Variants in MPP7 observed in about 807,000 individuals in gnomAD.
MPP7 encodes MAGUK p55 subfamily member 7.
MPP7 carries 60 observed loss-of-function variants against 76.5 expected under a neutral mutation model. That is an observed-to-expected ratio of 0.78 (90% CI 0.64 to 0.97). MPP7 has a LOEUF of 0.97. Among genes scored for constraint, MPP7 ranks in the 50% least tolerant of loss-of-function variants. The pLI is 0.00. For missense variants in MPP7, 641 were observed against 694.0 expected, an observed-to-expected ratio of 0.92 and a Z score of 0.86; for synonymous variants, 237 against 244.5, an observed-to-expected ratio of 0.97 and a Z score of 0.29.
At chr10:28,188,446 G>A (rs73608061) in intron 3 of MPP7, among the ~76,000 whole-genome samples, 2,242 of 152,144 alleles carry the variant, frequency 0.015, 41 homozygotes, top group African/African-American at 0.049. Flanking sequence ...CTTCCAAGTC[G>A]CATGATATGT....
rs71489612 is a variant in MPP7, at chr10:28,143,900, T to A, written c.315+3583A>T. Among the ~76,000 whole-genome samples, 242 of 110,032 alleles carry A rather than the reference T, an allele frequency of 2.2e-3. 3 individuals carry two copies. Among genetic ancestry groups the A allele is most frequent in the African/African-American group, 5.5e-3 (150 of 27,416 alleles). The allele number at this position is 110,032 out of a possible 152,430, so 72.2% of individuals were successfully genotyped here. A position where few individuals can be genotyped will look rare whatever the true frequency, so the allele number is the denominator to read the frequency against. ...GTGTGTGTGTGTGTGTGTGTGTGTG[T>A]GTGAGACTGAGTTTCACTCTTTCAC... On this transcript the variant is annotated intron_variant, in intron 5 of 16. Transcript: ENST00000683449.
chr10:28,272,705 A>T (rs1029715948), intron 1 of MPP7, among the ~76,000 whole-genome samples: 6 of 152,130 alleles, frequency 3.9e-5, no homozygotes, highest in South Asian at 2.1e-4. Context: ...GTTGATTTTT[A>T]AAAAAATGTA....
intron 5 of MPP7, among the ~76,000 whole-genome samples, chr10:28,133,932 T>C (rs1047661472): frequency 3.4e-4 from 52 of 152,306 alleles, no homozygotes; most frequent in African/African-American, 1.1e-3. Context: ...CATATAAATA[T>C]GTTGCAATTT....
intron 6 of MPP7, among the ~76,000 whole-genome samples, chr10:28,127,986 G>A (rs949612882): frequency 2.0e-5 from 3 of 152,184 alleles, no homozygotes; most frequent in African/African-American, 4.8e-5. Flanking sequence ...GCTCAAGAGC[G>A]AGCAAGGCAG....
intron 5 of MPP7, among the ~76,000 whole-genome samples, chr10:28,146,991 A>G (rs562841132): frequency 3.9e-5 from 6 of 152,180 alleles, no homozygotes; most frequent in Non-Finnish European, 8.8e-5. Flanking sequence ...TTTTATGGGT[A>G]TTTTACACTG....
chr10:28,212,369 A>C (rs1192884066), intron 2 of MPP7, among the ~76,000 whole-genome samples: 2 of 152,204 alleles, frequency 1.3e-5, no homozygotes, highest in African/African-American at 4.8e-5. Flanking sequence ...CATGGGGGAA[A>C]AAAAATCAAA....
intron 11 of MPP7, among the ~76,000 whole-genome samples, chr10:28,102,725 T>A (rs1353062185): frequency 2.0e-5 from 3 of 152,090 alleles, no homozygotes; most frequent in African/African-American, 4.8e-5. Flanking sequence ...TGTAGGGAAA[T>A]CTCCTCAGTT....
chr10:28,087,827 G>A (rs1348361735), intron 12 of MPP7, among the ~76,000 whole-genome samples: 1 of 152,170 alleles, frequency 6.6e-6, no homozygotes, highest in Non-Finnish European at 1.5e-5. Context: ...GAGAGGAGCA[G>A]GAGGTCTCAG....
intron 2 of MPP7, among the ~76,000 whole-genome samples, chr10:28,230,748 G>A (rs1210593330): frequency 3.9e-5 from 6 of 152,064 alleles, no homozygotes; most frequent in African/African-American, 1.4e-4. Flanking sequence ...CCCGGGAGGC[G>A]GAGGTTGCAG....
chr10:28,325,820 T>C (rs749193370), intron 2 of MPP7, among the ~76,000 whole-genome samples: 15 of 151,846 alleles, frequency 9.9e-5, no homozygotes, highest in Non-Finnish European at 1.6e-4. Context: ...ACAAAAAATT[T>C]AAAAATTGGC....
In MPP7 at chr10:28,120,652, G is replaced by T; in HGVS notation, c.632C>A (p.Ala211Glu). 1 of 1,613,474 alleles carries T rather than the reference G, an allele frequency of 6.2e-7. No homozygotes were observed. The highest frequency in any genetic ancestry group is 8.5e-7 in the Non-Finnish European group (1 of 1,179,620). ...GCCGGGTATAATCTTAAATGTAATT[G>T]CTCCCTGAGACTGAGCCTGGTAACA... ...IIQILAQSQG[A>E]ITFKIIPGSK... Residue 211 changes from alanine (A) to glutamate (E), a missense_variant, in exon 9 of 17, where the codon GCA becomes GAA. Coordinates refer to ENST00000683449, the MANE Select transcript of MPP7 (RefSeq NM_001318170.2).
intron 1 of MPP7, among the ~76,000 whole-genome samples, chr10:28,277,935 C>A (rs991742708): frequency 5.3e-5 from 8 of 152,116 alleles, no homozygotes; most frequent in African/African-American, 1.9e-4. Context: ...AAAAAGTGGA[C>A]GTATTTTTCC....
intron 3 of MPP7, among the ~76,000 whole-genome samples, chr10:28,184,906 AAATT>A (rs1174336928): frequency 4.7e-4 from 69 of 147,220 alleles, no homozygotes; most frequent in African/African-American, 1.5e-3. Context: ...AAGTTCTTTC[AAATT>A]ATTATAAGTT....
At chr10:28,058,092 A>T (rs1388170879) in intron 15 of MPP7, among the ~76,000 whole-genome samples, 1 of 152,212 alleles carries the variant, frequency 6.6e-6, no homozygotes, top group Non-Finnish European at 1.5e-5. Flanking sequence ...AAAGTCAAAG[A>T]CTTGGAACCA....
At position 28,262,228 on chromosome 10, in the gene MPP7, T is replaced by TATATATATATATAC. The variant is rs1564741407; in HGVS notation, c.-131-23494_-131-23493insGTATATATATATAT. Among the ~76,000 whole-genome samples, 58 of 31,276 alleles carry TATATATATATATAC rather than the reference T, an allele frequency of 1.9e-3. 2 individuals carry two copies. In the East Asian group the frequency reaches 0.027, roughly 14 times the overall value. The allele number at this position is 31,276 out of a possible 152,430, so 20.5% of individuals were successfully genotyped here. On this transcript the variant is annotated intron_variant, in intron 1 of 16. Transcript: ENST00000683449. ...ATATACATATATATATATATATACA[T>TATATATATATATAC]ATATATATATATATACATATATATA...
intron 3 of MPP7, among the ~76,000 whole-genome samples, chr10:28,176,684 C>A (rs1836870757): frequency 6.6e-6 from 1 of 151,992 alleles, no homozygotes; most frequent in African/African-American, 2.4e-5. Flanking sequence ...TTGCAGTGAG[C>A]TGAGATTGTG....
At chr10:28,119,609 C>T (rs10047289) in intron 11 of MPP7, 42 bp downstream of exon 11, 267,180 of 1,529,764 alleles carry the variant, frequency 0.17, 36,313 homozygotes, top group East Asian at 0.73. Flanking sequence ...CAAAAATAAA[C>T]ATCAGGGTTT....
At chr10:28,153,331 T>G (rs1588856236) in intron 3 of MPP7, among the ~76,000 whole-genome samples, 2 of 152,072 alleles carry the variant, frequency 1.3e-5, no homozygotes, top group Non-Finnish European at 2.9e-5. Context: ...GAGAAGGAGA[T>G]GAGGGAGGAA....
chr10:28,156,574 T>C (rs2997203), intron 3 of MPP7, among the ~76,000 whole-genome samples: 138,448 of 152,204 alleles, frequency 0.91, 63,023 homozygotes, highest in South Asian at 0.95. Flanking sequence ...AAAGGGCTAA[T>C]GGAAGCCTGG....
Sources: gnomAD v4.1 joint callset for allele counts (sites outside exome capture counted in the v4.1 genomes callset) on GRCh38, gnomAD v4.1.1 for gene constraint, MANE v1.5 for transcripts, NCBI Gene and HGNC (gene_info 2026-07-23, HGNC 2026-07-21) for gene names.